PCDHGB1: variants seen among roughly 807,000 people sequenced by gnomAD.
The protein encoded by PCDHGB1 is protocadherin gamma-B1.
Under a neutral mutation model 56.6 loss-of-function variants are expected in PCDHGB1, and 34 were observed. The ratio of observed to expected loss-of-function variants is 0.60; its 90% CI spans 0.46 to 0.80. The LOEUF is 0.80. Ranked by LOEUF, PCDHGB1 falls within the 30% of genes least tolerant of loss-of-function variation. The pLI is 0.00. For missense variants in PCDHGB1, 1,278 were observed against 1,204.6 expected, an observed-to-expected ratio of 1.06 and a Z score of -0.90; for synonymous variants, 561 against 505.9, an observed-to-expected ratio of 1.11 and a Z score of -1.46.
intron 1 of PCDHGB1, chr5:141,360,589 T>C: frequency 6.2e-7 from 1 of 1,613,982 alleles, no homozygotes; most frequent in East Asian, 2.2e-5. Flanking sequence ...AGGTACAACA[T>C]TTCCACTTGA....
intron 1 of PCDHGB1, chr5:141,405,408 TTTTTTTG>T (rs2094659443): frequency 2.5e-6 from 4 of 1,572,390 alleles, no homozygotes; most frequent in African/African-American, 1.4e-5. Flanking sequence ...CTTTCTTTTC[TTTTTTTG>T]TTTTTTGTTT....
intron 1 of PCDHGB1, among the ~76,000 whole-genome samples, chr5:141,460,753 A>ATATACATATTGCATATGTATG (rs1435827019): frequency 4.6e-5 from 7 of 152,094 alleles, no homozygotes; most frequent in Non-Finnish European, 1.0e-4. Flanking sequence ...ATATGTGTAC[A>ATATACATATTGCATATGTATG]TATACATATT....
intron 1 of PCDHGB1, chr5:141,392,963 G>C: frequency 6.2e-7 from 1 of 1,613,922 alleles, no homozygotes; most frequent in Non-Finnish European, 8.5e-7. Flanking sequence ...ATATCTCCAA[G>C]GACCTGGGGC....
chr5:141,383,111 G>T, intron 1 of PCDHGB1: 1 of 1,614,040 alleles, frequency 6.2e-7, no homozygotes, highest in Non-Finnish European at 8.5e-7. Context: ...TCCAGAGGTA[G>T]GACGCAGCTT....
At chr5:141,409,984 GGACGCC>G (rs2095344357) in intron 1 of PCDHGB1, 1 of 1,613,210 alleles carries the variant, frequency 6.2e-7, no homozygotes, top group Admixed American at 1.7e-5. Context: ...TGGTAGCGGT[GGACGCC>G]GACTCGGGAC....
chr5:141,415,110 C>G (rs1490074484), intron 1 of PCDHGB1: 2 of 1,613,548 alleles, frequency 1.2e-6, no homozygotes, highest in East Asian at 2.2e-5. Flanking sequence ...TCAAGCAAAG[C>G]CTCGTAGTGG....
chr5:141,364,612 G>C (rs1260914671), intron 1 of PCDHGB1: 7 of 1,614,178 alleles, frequency 4.3e-6, no homozygotes, highest in Non-Finnish European at 5.9e-6. Context: ...ACCGGGAGGA[G>C]CTCTGCGCTC....
In PCDHGB1 at chr5:141,489,911, G is replaced by A; in HGVS notation, c.2410-4896G>A. On this transcript the variant is annotated intron_variant, in intron 1 of 3. Transcript: ENST00000523390. The surrounding 1 kb of genome is among the most constrained non-coding windows in gnomAD (Gnocchi z 4.5). ...GATGGGGGGACCCCAGCCCGCTCAG[G>A]GACCACCCTTATCTCTGTCATCGTG... 3.7e-6 allele frequency: 6 copies of A among 1,614,198 alleles called. No individual in the cohort carries two copies. Among genetic ancestry groups the A allele is most frequent in the Non-Finnish European group, 5.1e-6 (6 of 1,180,042 alleles).
At chr5:141,446,642 A>T (rs939365233) in intron 1 of PCDHGB1, among the ~76,000 whole-genome samples, 2 of 151,970 alleles carry the variant, frequency 1.3e-5, no homozygotes, top group Admixed American at 1.3e-4. Flanking sequence ...ACGCCTGGCT[A>T]ATTTTTGTAT....
intron 2 of PCDHGB1, among the ~76,000 whole-genome samples, chr5:141,499,015 AG>A (rs2099788530): frequency 6.6e-6 from 1 of 151,284 alleles, no homozygotes; most frequent in Non-Finnish European, 1.5e-5. Context: ...GAAGGAAGGA[AG>A]GAAGGAAGGA....
chr5:141,385,004 G>T, intron 1 of PCDHGB1: 1 of 1,614,140 alleles, frequency 6.2e-7, no homozygotes, highest in Non-Finnish European at 8.5e-7. Flanking sequence ...ACAGTCTCCT[G>T]CGTCTTCCTA....
chr5:141,478,121 G>T lies in PCDHGB1; in HGVS notation c.2410-16686G>T. On this transcript the variant is annotated intron_variant, in intron 1 of 3. Coordinates refer to ENST00000523390, the MANE Select transcript of PCDHGB1 (RefSeq NM_018922.3). ...TACCCTCACTGTGTCAGTAACCGAG[G>T]ACTCTCCTGAAGCCCGAGCCGAGTT... 2.5e-6 allele frequency: 4 copies of T among 1,614,036 alleles called. No individual in the cohort carries two copies. In the African/African-American group the frequency reaches 4.0e-5, roughly 16 times the overall value.
chr5:141,356,869 G>A (rs1241364219), intron 1 of PCDHGB1: 9 of 1,614,064 alleles, frequency 5.6e-6, no homozygotes, highest in Admixed American at 3.3e-5. Flanking sequence ...GGACCAGAAC[G>A]ACAATGTCCC....
At chr5:141,510,677 A>G (rs2099882239) in intron 3 of PCDHGB1, among the ~76,000 whole-genome samples, 2 of 152,212 alleles carry the variant, frequency 1.3e-5, no homozygotes, top group African/African-American at 4.8e-5. Context: ...CTGAAGTGGC[A>G]TAAGGAGGTT....
chr5:141,485,625 G>C lies in PCDHGB1; in HGVS notation c.2410-9182G>C. On this transcript the variant is annotated intron_variant, in intron 1 of 3. Transcript: ENST00000523390. This position sits in a 1 kb window ranked among gnomAD's most constrained non-coding sequence, Gnocchi z 5.7. ...GGGGAGGCAGCTCCTCCAGGACAGC[G>C]TTTCCCGTTGGAAAAGGCTCAGGAT... The C allele has an allele frequency of 6.2e-7, 1 of 1,611,968 alleles. No individual in the cohort carries two copies. Among genetic ancestry groups the C allele is most frequent in the Non-Finnish European group, 8.5e-7 (1 of 1,178,504 alleles).
chr5:141,503,960 T>TTC (rs2099834474), intron 2 of PCDHGB1, among the ~76,000 whole-genome samples: 1 of 152,172 alleles, frequency 6.6e-6, no homozygotes, highest in Admixed American at 6.5e-5. Flanking sequence ...CCTACAGCCT[T>TTC]TCCCATGGTG....
intron 1 of PCDHGB1, chr5:141,441,971 G>T: frequency 3.3e-6 from 1 of 298,820 alleles, no homozygotes; most frequent in Non-Finnish European, 6.5e-6. Context: ...AGGCTCTTCA[G>T]CCTGGAATGC....
chr5:141,367,991 T>C (rs941036288), intron 1 of PCDHGB1, among the ~76,000 whole-genome samples: 16 of 152,230 alleles, frequency 1.1e-4, no homozygotes, highest in Admixed American at 1.0e-3. Context: ...TTAATAGATT[T>C]GTCTTAATGA....
intron 1 of PCDHGB1, chr5:141,414,906 A>C (rs749933537): frequency 6.2e-7 from 1 of 1,614,146 alleles, no homozygotes; most frequent in Admixed American, 1.7e-5. Context: ...ACGGTTCCAC[A>C]GGCGTGGAGC....
Sources: allele counts gnomAD v4.1 joint callset (sites outside exome capture counted in the v4.1 genomes callset), GRCh38; gene constraint gnomAD v4.1.1; non-coding constraint Gnocchi (gnomAD v3.1); transcripts MANE v1.5; gene names NCBI Gene and HGNC (gene_info 2026-07-23, HGNC 2026-07-21).